The following NBAS variants were observed in gnomAD, a reference collection of about 807,000 sequenced individuals.
NBAS encodes the protein NBAS subunit of NRZ tethering complex.
In NBAS, 219 loss-of-function variants were observed where a neutral mutation model predicts 302.5. That is an observed-to-expected ratio of 0.72 (90% confidence interval 0.65 to 0.81). The LOEUF is 0.81. Ranked by LOEUF, NBAS falls within the 30% of genes least tolerant of loss-of-function variation. The pLI, the probability that NBAS is intolerant of heterozygous loss-of-function variation, is 0.00. For missense variants in NBAS, 2,932 were observed against 2,841.6 expected, an observed-to-expected ratio of 1.03 and a Z score of -0.72; for synonymous variants, 1,118 against 1,021.6, an observed-to-expected ratio of 1.09 and a Z score of -1.80.
At chr2:14,845,888 A>G in the NBAS span, among the ~76,000 whole-genome samples, 2 of 151,926 alleles carry the variant, frequency 1.3e-5, no homozygotes, top group South Asian at 4.1e-4. Context: ...AGAATAAAAA[A>G]CAAAGAAGCA....
intron 42 of NBAS, among the ~76,000 whole-genome samples, chr2:15,278,924 T>G (rs1412839972): frequency 6.6e-6 from 1 of 152,148 alleles, no homozygotes; most frequent in African/African-American, 2.4e-5. Flanking sequence ...GCAAAACGCC[T>G]GTACAAGGAA....
intron 23 of NBAS, among the ~76,000 whole-genome samples, chr2:15,421,018 G>A (rs1677185958): frequency 6.6e-6 from 1 of 152,048 alleles, no homozygotes; most frequent in Non-Finnish European, 1.5e-5. Flanking sequence ...ACAGTATGAG[G>A]CAAAATATGG....
the NBAS span, among the ~76,000 whole-genome samples, chr2:15,033,993 A>G: frequency 4.5e-3 from 177 of 39,530 alleles, 1 homozygote; most frequent in African/African-American, 0.033. Context: ...AGGAAGAAGA[A>G]GAAGAAGAAG....
intron 44 of NBAS, among the ~76,000 whole-genome samples, chr2:15,252,331 T>G (rs571975977): frequency 1.3e-5 from 2 of 151,980 alleles, no homozygotes; most frequent in Non-Finnish European, 2.9e-5. Flanking sequence ...AAACCCCATC[T>G]CTACTAAAAA....
At chr2:14,820,526 C>G in the NBAS span, among the ~76,000 whole-genome samples, 1 of 152,032 alleles carries the variant, frequency 6.6e-6, no homozygotes, top group Non-Finnish European at 1.5e-5. Flanking sequence ...GAAAGTGTAG[C>G]ACAGGGGTTA....
chr2:15,058,886 A>G, the NBAS span, among the ~76,000 whole-genome samples: 11 of 152,334 alleles, frequency 7.2e-5, no homozygotes, highest in African/African-American at 2.6e-4. Context: ...CCGACCTCCA[A>G]GGCCAAATCC....
At chr2:14,919,454 T>C in the NBAS span, among the ~76,000 whole-genome samples, 1 of 152,204 alleles carries the variant, frequency 6.6e-6, no homozygotes, top group South Asian at 2.1e-4. Flanking sequence ...TGCTAAAGGC[T>C]GCCATGACTG....
chr2:15,119,697 T>TG, the NBAS span, among the ~76,000 whole-genome samples: 1 of 152,254 alleles, frequency 6.6e-6, no homozygotes, highest in African/African-American at 2.4e-5. Flanking sequence ...TAAGTGCATC[T>TG]GGCTGTGGGA....
the NBAS span, among the ~76,000 whole-genome samples, chr2:15,047,511 T>C: frequency 6.6e-6 from 1 of 151,706 alleles, no homozygotes; most frequent in Non-Finnish European, 1.5e-5. Context: ...CCCATGCAAG[T>C]GAAGGCTGGG....
At chr2:15,196,449 C>A (rs185621142) in intron 48 of NBAS, among the ~76,000 whole-genome samples, 2 of 152,236 alleles carry the variant, frequency 1.3e-5, no homozygotes, top group East Asian at 3.9e-4. Flanking sequence ...CCAGAAATTG[C>A]TCTGTATTAT....
chr2:14,856,961 A>G, the NBAS span, among the ~76,000 whole-genome samples: 22 of 152,344 alleles, frequency 1.4e-4, 1 homozygote, highest in East Asian at 4.2e-3. Context: ...GAAATAAGCA[A>G]ATTTAGTAAG....
Position 15,511,223 on chromosome 2 carries a change from C to T in NBAS, c.874G>A (p.Gly292Arg), listed in dbSNP as rs1283789987. ...TAACTCATACTTACTGCAGTAACCC[C>T]GTCTCCACCATTAGTAACCTGCTTA... ...YYKQVTNGGD[G>R]VTAVPKTLGL... The change falls in exon 10 of 52, where the codon GGG (glycine) becomes AGG (arginine). Residue 292 changes from glycine to arginine, a missense_variant. By Grantham distance (125) the Gly-to-Arg change is moderately radical. Coordinates refer to ENST00000281513, the MANE Select transcript of NBAS (RefSeq NM_015909.4). 6 of 1,614,040 alleles carry T rather than the reference C, an allele frequency of 3.7e-6. No individual in the cohort carries two copies. Among genetic ancestry groups the T allele is most frequent in the East Asian group, 2.2e-5 (1 of 44,852 alleles).
the NBAS span, among the ~76,000 whole-genome samples, chr2:14,846,722 T>C: frequency 5.9e-5 from 9 of 152,120 alleles, no homozygotes; most frequent in Non-Finnish European, 1.0e-4. Flanking sequence ...TGCTTGTTTA[T>C]GAAAAGAGAA....
intron 21 of NBAS, among the ~76,000 whole-genome samples, chr2:15,443,400 A>G (rs1366014003): frequency 6.6e-6 from 1 of 151,966 alleles, no homozygotes; most frequent in African/African-American, 2.4e-5. Context: ...AAAGACAAAA[A>G]CCACATGATT....
At chr2:15,516,755 G>GC (rs1231765674) in intron 9 of NBAS, among the ~76,000 whole-genome samples, 1 of 150,580 alleles carries the variant, frequency 6.6e-6, no homozygotes, top group Non-Finnish European at 1.5e-5. Context: ...ACTGGGAGAA[G>GC]TTATTTACAA....
chr2:15,459,967 TA>T (rs1358004046), intron 21 of NBAS, among the ~76,000 whole-genome samples: 5 of 152,012 alleles, frequency 3.3e-5, no homozygotes, highest in Non-Finnish European at 7.4e-5. Flanking sequence ...CAGCTTTCTG[TA>T]ATAACAGGGT....
intron 30 of NBAS, among the ~76,000 whole-genome samples, chr2:15,379,063 T>C (rs763695942): frequency 2.6e-5 from 4 of 152,050 alleles, no homozygotes; most frequent in Non-Finnish European, 5.9e-5. Context: ...ACCTTTCTAG[T>C]GTTAAATAAG....
chr2:14,830,169 G>T, the NBAS span, among the ~76,000 whole-genome samples: 1 of 152,152 alleles, frequency 6.6e-6, no homozygotes, highest in Admixed American at 6.5e-5. Flanking sequence ...GCATTAAATA[G>T]CTTCTGTTAT....
intron 48 of NBAS, among the ~76,000 whole-genome samples, chr2:15,214,803 A>C (rs919875677): frequency 1.4e-4 from 22 of 152,160 alleles, no homozygotes; most frequent in Admixed American, 3.3e-4. Flanking sequence ...CTGGTTTCTG[A>C]AAAGAAGGGT....
Sources: allele counts gnomAD v4.1 joint callset (sites outside exome capture counted in the v4.1 genomes callset), GRCh38; gene constraint gnomAD v4.1.1; transcripts MANE v1.5; gene names NCBI Gene and HGNC (gene_info 2026-07-23, HGNC 2026-07-21).